Variants in RBFOX3 observed in about 807,000 individuals in gnomAD.
The protein encoded by RBFOX3 is RNA binding fox-1 homolog 3, also known as RNA binding protein fox-1 homolog 3.
RBFOX3 carries 17 observed loss-of-function variants against 48.7 expected under a neutral mutation model. The ratio of observed to expected loss-of-function variants is 0.35; its 90% CI spans 0.24 to 0.52. RBFOX3 has a LOEUF of 0.52. Ranked by LOEUF, RBFOX3 falls within the 20% of genes least tolerant of loss-of-function variation. The probability of loss-of-function intolerance (pLI) is 0.94; values close to 1 mark genes in which losing one functional copy is unlikely to be tolerated. For synonymous variants in RBFOX3, 212 were observed against 209.5 expected (o/e 1.01, Z -0.10); for missense variants, 382 against 497.5 (o/e 0.77, Z 2.21).
chr17:79,240,026 G>A (rs543373039), intron 3 of RBFOX3, among the ~76,000 whole-genome samples: 5 of 152,116 alleles, frequency 3.3e-5, no homozygotes, highest in African/African-American at 1.2e-4. Context: ...TCCCACCTTC[G>A]CACTAGTCCC....
chr17:79,597,529 G>A (rs1599255368), intron 1 of RBFOX3, among the ~76,000 whole-genome samples: 1 of 152,336 alleles, frequency 6.6e-6, no homozygotes, highest in East Asian at 1.9e-4. Flanking sequence ...TGCCCTGCCT[G>A]ACAGGAGGAA....
At chr17:79,109,753 G>A (rs1489728041) in intron 5 of RBFOX3, among the ~76,000 whole-genome samples, 1 of 152,152 alleles carries the variant, frequency 6.6e-6, no homozygotes, top group Admixed American at 6.5e-5. Context: ...ACACAGCTCT[G>A]GCCTCTGAGC....
At chr17:79,162,465 T>A (rs1185927924) in intron 4 of RBFOX3, among the ~76,000 whole-genome samples, 1 of 152,182 alleles carries the variant, frequency 6.6e-6, no homozygotes, top group Non-Finnish European at 1.5e-5. Context: ...GGCTGTCACA[T>A]GTCACATGGA....
At chr17:79,492,462 C>A (rs2080833593) in intron 1 of RBFOX3, among the ~76,000 whole-genome samples, 1 of 152,252 alleles carries the variant, frequency 6.6e-6, no homozygotes, top group South Asian at 2.1e-4. Flanking sequence ...GACACTCAGG[C>A]AGCCCTACAG....
chr17:79,620,436 CAT>C, the RBFOX3 span, among the ~76,000 whole-genome samples: 1 of 144,866 alleles, frequency 6.9e-6, no homozygotes, highest in Non-Finnish European at 1.6e-5. Flanking sequence ...CACGTGCACA[CAT>C]GCACATGCAC....
chr17:79,139,969 A>G (rs1354683021), intron 4 of RBFOX3, among the ~76,000 whole-genome samples: 1 of 152,046 alleles, frequency 6.6e-6, no homozygotes, highest in Non-Finnish European at 1.5e-5. Context: ...CTGCAGGTAA[A>G]AGGGGCAGGG....
intron 2 of RBFOX3, among the ~76,000 whole-genome samples, chr17:79,382,391 C>A (rs1448153125): frequency 1.3e-5 from 2 of 152,238 alleles, no homozygotes; most frequent in African/African-American, 4.8e-5. Context: ...CGTTACCAAA[C>A]AGCCTGTATC....
At chr17:79,183,965 C>T (rs1204829327) in intron 4 of RBFOX3, among the ~76,000 whole-genome samples, 1 of 152,234 alleles carries the variant, frequency 6.6e-6, no homozygotes, top group Admixed American at 6.5e-5. Flanking sequence ...TCTCCCTTTG[C>T]CCCCGCTCCG....
intron 1 of RBFOX3, among the ~76,000 whole-genome samples, chr17:79,500,873 G>A (rs1345850851): frequency 6.6e-6 from 1 of 152,180 alleles, no homozygotes; most frequent in Non-Finnish European, 1.5e-5. Context: ...CCGTGCTAGG[G>A]ACACGTTTGC....
chr17:79,549,050 C>T (rs1178393517), intron 1 of RBFOX3, among the ~76,000 whole-genome samples: 1 of 152,232 alleles, frequency 6.6e-6, no homozygotes, highest in Non-Finnish European at 1.5e-5. Context: ...AACTGAGGCT[C>T]GGGATGGGCA....
chr17:79,180,085 C>T (rs964986167), intron 4 of RBFOX3, among the ~76,000 whole-genome samples: 2 of 152,170 alleles, frequency 1.3e-5, no homozygotes, highest in African/African-American at 4.8e-5. Flanking sequence ...TCAGATGATC[C>T]GAAATCATCC....
At chr17:79,125,212 T>A (rs976638746) in intron 4 of RBFOX3, among the ~76,000 whole-genome samples, 3 of 152,082 alleles carry the variant, frequency 2.0e-5, no homozygotes, top group African/African-American at 7.2e-5. Context: ...CCTGAGCAGG[T>A]TGGGGCTGTG....
At chr17:79,150,296 T>A (rs1228709992) in intron 4 of RBFOX3, among the ~76,000 whole-genome samples, 1 of 151,888 alleles carries the variant, frequency 6.6e-6, no homozygotes, top group East Asian at 1.9e-4. Flanking sequence ...GCCACTCTGC[T>A]TGGGTAGGAC....
chr17:79,307,684 G>C (rs991175230), intron 3 of RBFOX3, 40 bp downstream of exon 3: 2 of 153,776 alleles, frequency 1.3e-5, no homozygotes, highest in South Asian at 2.1e-4. Context: ...AACCAGCTCG[G>C]GGGGAGCAGA....
chr17:79,370,190 C>G (rs903405942), intron 2 of RBFOX3, among the ~76,000 whole-genome samples: 12 of 152,244 alleles, frequency 7.9e-5, no homozygotes, highest in African/African-American at 2.9e-4. Flanking sequence ...AAAGAAGTCA[C>G]TGACAGCACT....
rs1385498913 is a variant in RBFOX3 at position 79,418,557 on chromosome 17, A to C, written c.-175+63897T>G. ...GATGCCCAGACATGTGAAGGTGGTC[A>C]GTCGTGGGGCCAAGTCTCAGGGCAG... On this transcript the variant is annotated intron_variant, in intron 2 of 14. Coordinates refer to ENST00000693108, the MANE Select transcript of RBFOX3 (RefSeq NM_001350451.2). This position sits in a 1 kb window ranked among gnomAD's most constrained non-coding sequence, Gnocchi z 5.0. Among the ~76,000 whole-genome samples the C allele has an allele frequency of 6.6e-6, 1 of 152,226 alleles. No individual in the cohort carries two copies. Among genetic ancestry groups the C allele is most frequent in the Non-Finnish European group, 1.5e-5 (1 of 68,032 alleles).
chr17:79,396,468 T>A (rs1286536129), intron 2 of RBFOX3, among the ~76,000 whole-genome samples: 1 of 152,136 alleles, frequency 6.6e-6, no homozygotes, highest in African/African-American at 2.4e-5. Context: ...TCCAGCACAA[T>A]GATACCAGAA....
chr17:79,541,561 G>A (rs2089693975), intron 1 of RBFOX3, among the ~76,000 whole-genome samples: 1 of 152,184 alleles, frequency 6.6e-6, no homozygotes, highest in South Asian at 2.1e-4. Flanking sequence ...CTAAAGCCAA[G>A]AACAGCGGAA....
intron 1 of RBFOX3, among the ~76,000 whole-genome samples, chr17:79,485,560 T>A (rs1598897636): frequency 6.6e-6 from 1 of 151,708 alleles, no homozygotes; most frequent in South Asian, 2.1e-4. Context: ...AGATTCCACA[T>A]CCCCCCAGAG....
Sources: gnomAD v4.1 joint callset for allele counts (sites outside exome capture counted in the v4.1 genomes callset) on GRCh38, gnomAD v4.1.1 for gene constraint, Gnocchi (gnomAD v3.1) non-coding constraint, MANE v1.5 for transcripts, NCBI Gene and HGNC (gene_info 2026-07-23, HGNC 2026-07-21) for gene names.